SLC24A2: variants seen among roughly 807,000 people sequenced by gnomAD.
SLC24A2 encodes the protein sodium/potassium/calcium exchanger 2.
A neutral mutation model predicts 62.0 loss-of-function variants in SLC24A2; 36 were observed. The ratio of observed to expected loss-of-function variants is 0.58; its 90% CI spans 0.44 to 0.77. The LOEUF (loss-of-function observed/expected upper bound fraction) is 0.77, where lower values mean the gene tolerates loss of function less well. Among genes scored for constraint, SLC24A2 ranks in the 30% least tolerant of loss-of-function variants. The pLI, the probability that SLC24A2 is intolerant of heterozygous loss-of-function variation, is 0.00. For synonymous variants in SLC24A2, 358 were observed against 294.0 expected (o/e 1.22, Z -2.23); for missense variants, 846 against 817.9 (o/e 1.03, Z -0.42).
chr9:19,816,354 G>A, the SLC24A2 span, among the ~76,000 whole-genome samples: 6 of 152,170 alleles, frequency 3.9e-5, no homozygotes, highest in South Asian at 2.1e-4. Flanking sequence ...GAAGTGACAC[G>A]CATTACCTCC....
intron 2 of SLC24A2, among the ~76,000 whole-genome samples, chr9:19,708,161 T>C (rs1286336021): frequency 6.6e-6 from 1 of 152,070 alleles, no homozygotes; most frequent in Non-Finnish European, 1.5e-5. Context: ...CACCATTGCT[T>C]CAAAGAGAAT....
At position 19,631,428 on chromosome 9, in the gene SLC24A2, C is replaced by T. The variant is rs551117995; in HGVS notation, c.931-9129G>A. Among the ~76,000 whole-genome samples the T allele has an allele frequency of 7.2e-5, 11 of 152,248 alleles. No individual in the cohort carries two copies. The East Asian group carries it at 1.5e-3, about 21-fold the overall frequency. ...CTGTGGAAATGCAACAATATCAAAC[C>T]TCCCTTCTTTGAACTCCTGTGTTAA... is the stretch of plus-strand genomic sequence containing the variant. On this transcript the variant is annotated intron_variant, in intron 2 of 10. Coordinates refer to ENST00000341998, the MANE Select transcript of SLC24A2 (RefSeq NM_020344.4).
chr9:20,142,784 C>T, the SLC24A2 span, among the ~76,000 whole-genome samples: 5 of 152,070 alleles, frequency 3.3e-5, no homozygotes, highest in South Asian at 2.1e-4. Flanking sequence ...TTTGTAGAGA[C>T]GGGGTTTCAC....
the SLC24A2 span, among the ~76,000 whole-genome samples, chr9:20,288,215 G>C: frequency 7.2e-5 from 11 of 152,306 alleles, no homozygotes; most frequent in Non-Finnish European, 1.5e-4. Context: ...TAGTACATCA[G>C]TATTTTCTGC....
intron 2 of SLC24A2, among the ~76,000 whole-genome samples, chr9:19,779,468 G>A (rs906531532): frequency 1.1e-4 from 16 of 152,178 alleles, no homozygotes; most frequent in Non-Finnish European, 8.8e-5. Flanking sequence ...GAAATTGGAC[G>A]AGAAAATAAT....
the SLC24A2 span, among the ~76,000 whole-genome samples, chr9:20,301,348 G>T: frequency 1.3e-5 from 2 of 151,790 alleles, no homozygotes; most frequent in South Asian, 2.1e-4. Flanking sequence ...AAATGGTATA[G>T]GTTCAATCTT....
At chr9:19,614,788 C>A (rs1320639149) in intron 4 of SLC24A2, among the ~76,000 whole-genome samples, 2 of 151,900 alleles carry the variant, frequency 1.3e-5, no homozygotes, top group Non-Finnish European at 2.9e-5. Flanking sequence ...ATCAGGGGAC[C>A]CAGTTGAGCC....
intron 2 of SLC24A2, among the ~76,000 whole-genome samples, chr9:19,757,862 T>G (rs1330627779): frequency 6.6e-6 from 1 of 152,080 alleles, no homozygotes; most frequent in Non-Finnish European, 1.5e-5. Context: ...AAGACTGTAT[T>G]ATTACTCTTG....
chr9:20,055,766 T>C, the SLC24A2 span, among the ~76,000 whole-genome samples: 1 of 152,032 alleles, frequency 6.6e-6, no homozygotes, highest in Non-Finnish European at 1.5e-5. Flanking sequence ...TGGGAGCCTG[T>C]AACCCCAGCT....
At chr9:19,924,294 C>A in the SLC24A2 span, among the ~76,000 whole-genome samples, 1 of 152,192 alleles carries the variant, frequency 6.6e-6, no homozygotes, top group Non-Finnish European at 1.5e-5. Context: ...GGTGGTTGTG[C>A]AATTTCAGAT....
At chr9:19,709,959 T>G (rs1047704151) in intron 2 of SLC24A2, among the ~76,000 whole-genome samples, 2 of 152,092 alleles carry the variant, frequency 1.3e-5, no homozygotes, top group Non-Finnish European at 2.9e-5. Flanking sequence ...GCTAAACCTC[T>G]TCCTCTAGAA....
chr9:20,020,816 A>T, the SLC24A2 span, among the ~76,000 whole-genome samples: 1 of 152,192 alleles, frequency 6.6e-6, no homozygotes, highest in Non-Finnish European at 1.5e-5. Flanking sequence ...AGCCACGAAC[A>T]CTTTTACCTT....
intron 2 of SLC24A2, among the ~76,000 whole-genome samples, chr9:19,733,345 C>T (rs116683390): frequency 0.021 from 3,241 of 152,270 alleles, 135 homozygotes; most frequent in African/African-American, 0.073. Context: ...TGATTTTCTT[C>T]AGCCCAGAAT....
At chr9:19,791,482 A>T (rs1451288895), upstream of SLC24A2, among the ~76,000 whole-genome samples, 1 of 152,222 alleles carries the variant, frequency 6.6e-6, no homozygotes, top group Admixed American at 6.5e-5. Flanking sequence ...TGTGGGAGTG[A>T]CTACTCCTAC....
At chr9:20,077,572 C>T in the SLC24A2 span, among the ~76,000 whole-genome samples, 1 of 150,024 alleles carries the variant, frequency 6.7e-6, no homozygotes, top group African/African-American at 2.4e-5. Context: ...CCTGCTGCTA[C>T]TGGCTGCCCC....
At chr9:19,776,587 T>G (rs922950131) in intron 2 of SLC24A2, among the ~76,000 whole-genome samples, 6 of 152,188 alleles carry the variant, frequency 3.9e-5, no homozygotes, top group African/African-American at 1.4e-4. Context: ...CAGTAAACTT[T>G]ATATGACTTT....
chr9:20,002,020 T>G, the SLC24A2 span, among the ~76,000 whole-genome samples: 1 of 152,182 alleles, frequency 6.6e-6, no homozygotes, highest in Non-Finnish European at 1.5e-5. Flanking sequence ...ATTCTTTTGA[T>G]TTTCAAAAGT....
At chr9:20,057,098 T>A in the SLC24A2 span, among the ~76,000 whole-genome samples, 1,562 of 152,182 alleles carry the variant, frequency 0.01, 33 homozygotes, top group African/African-American at 0.035. Context: ...AGTGGGTATA[T>A]GTGTGTGTGT....
intron 4 of SLC24A2, among the ~76,000 whole-genome samples, chr9:19,600,096 T>C: frequency 6.6e-6 from 1 of 152,176 alleles, no homozygotes; most frequent in Non-Finnish European, 1.5e-5. Flanking sequence ...ACATCACCTG[T>C]GAATGTCATT....
Sources: gnomAD v4.1 joint callset for allele counts (sites outside exome capture counted in the v4.1 genomes callset) on GRCh38, gnomAD v4.1.1 for gene constraint, MANE v1.5 for transcripts, NCBI Gene and HGNC (gene_info 2026-07-23, HGNC 2026-07-21) for gene names.